RYR3: variants seen among roughly 807,000 people sequenced by gnomAD.
RYR3 encodes brain ryanodine receptor-calcium release channel.
Under a neutral mutation model 584.3 loss-of-function variants are expected in RYR3, and 207 were observed. The observed-to-expected ratio is 0.35, with a 90% CI of 0.32 to 0.40. RYR3 has a LOEUF of 0.40. Ranked by LOEUF, RYR3 falls within the 10% of genes least tolerant of loss-of-function variation. The probability of loss-of-function intolerance (pLI) is 1.00; values close to 1 mark genes in which losing one functional copy is unlikely to be tolerated. For missense variants in RYR3, 5,616 were observed against 6,089.2 expected, an observed-to-expected ratio of 0.92 and a Z score of 2.59; for synonymous variants, 2,416 against 2,248.5, an observed-to-expected ratio of 1.07 and a Z score of -2.11.
At chr15:33,799,659 C>T (rs1489397607) in intron 67 of RYR3, among the ~76,000 whole-genome samples, 1 of 152,276 alleles carries the variant, frequency 6.6e-6, no homozygotes. Context: ...GTGAGCTGCT[C>T]TAGCAAATTA....
chr15:33,736,360 T>C (rs767721632), intron 49 of RYR3, 35 bp downstream of exon 49: 2 of 1,437,064 alleles, frequency 1.4e-6, no homozygotes, highest in African/African-American at 2.8e-5. Flanking sequence ...ATACAGTCTA[T>C]TGCACAGGAA....
chr15:33,636,812 T>C (rs2061525063), intron 27 of RYR3, among the ~76,000 whole-genome samples: 2 of 152,246 alleles, frequency 1.3e-5, no homozygotes, highest in Admixed American at 1.3e-4. Flanking sequence ...CCCCTGTGTC[T>C]TGGCATTTTA....
At position 33,483,791 on chromosome 15, in the gene RYR3, T is replaced by A. The variant is rs559275269; in HGVS notation, c.171+10253T>A. Among the ~76,000 whole-genome samples, 4 of 152,300 alleles carry A rather than the reference T, an allele frequency of 2.6e-5. No individual in the cohort carries two copies. The South Asian group carries it at 8.3e-4, about 32-fold the overall frequency. On this transcript the variant is annotated intron_variant, in intron 2 of 103. Coordinates refer to ENST00000634891, the MANE Select transcript of RYR3 (RefSeq NM_001036.6). ...GATCTTGGGTTTTATTAATCTATGG[T>A]GGTTTCCTTGTTCCTAACATTTCTC...
At chr15:33,806,474 G>T (rs142097503) in intron 69 of RYR3, among the ~76,000 whole-genome samples, 3 of 150,804 alleles carry the variant, frequency 2.0e-5, no homozygotes, top group African/African-American at 7.3e-5. Flanking sequence ...GCAACATAGC[G>T]AAACCCTGTC....
Position 33,785,715 on chromosome 15 carries a change from G to A in RYR3, c.9322G>A (p.Glu3108Lys), listed in dbSNP as rs1222499046. 6.2e-7 allele frequency: 1 copy of A among 1,613,278 alleles called. No homozygotes were observed. Among genetic ancestry groups the A allele is most frequent in the Non-Finnish European group, 8.5e-7 (1 of 1,179,544 alleles). The change falls in exon 66 of 104, where the codon GAA becomes AAA. Residue 3108 changes from glutamate (E) to lysine (K), a missense_variant. Around this residue, in one of 9 missense-constraint regions of RYR3, gnomAD observed 954 missense variants for 1,132.2 expected, o/e 0.84. Coordinates refer to ENST00000634891, the MANE Select transcript of RYR3 (RefSeq NM_001036.6). ...CATGTGTCCTGACATCCCCCAGCTGGAAGGCCTGATGAAGGAAATCAACGA... is the reference window on the plus strand; with the variant it reads ...CATGTGTCCTGACATCCCCCAGCTGAAAGGCCTGATGAAGGAAATCAACGA... ...EDMCPDIPQLEGLMKEINDLA... is the reference protein window; with the variant it reads ...EDMCPDIPQLKGLMKEINDLA...
At chr15:33,419,129 C>T (rs1012104432) in intron 1 of RYR3, among the ~76,000 whole-genome samples, 2 of 152,014 alleles carry the variant, frequency 1.3e-5, no homozygotes, top group African/African-American at 4.8e-5. Context: ...GATATAAAAG[C>T]GAGGGAATAA....
chr15:33,416,024 G>T (rs2043788421), intron 1 of RYR3, among the ~76,000 whole-genome samples: 1 of 152,114 alleles, frequency 6.6e-6, no homozygotes, highest in Admixed American at 6.5e-5. Context: ...TGCTATAAAG[G>T]TCATGATTTC....
chr15:33,849,625 CAAAAG>C (rs1023082607), intron 94 of RYR3: 7 of 152,006 alleles, frequency 4.6e-5, no homozygotes, highest in Admixed American at 3.3e-4. Flanking sequence ...ATTAATGTGG[CAAAAG>C]AAAAGAAATA....
At chr15:33,759,545 C>T (rs934098232) in intron 60 of RYR3, among the ~76,000 whole-genome samples, 7 of 152,032 alleles carry the variant, frequency 4.6e-5, no homozygotes, top group Admixed American at 3.3e-4. Flanking sequence ...GAAAGGAAAT[C>T]AGAGATTGAA....
At position 33,755,046 on chromosome 15, in the gene RYR3, CTG is replaced by C. The variant is rs776879309; in HGVS notation, c.8400-17_8400-16del. On this transcript the variant is annotated splice_polypyrimidine_tract_variant and intron_variant, in intron 57 of 103. Transcript: ENST00000634891. The stretch of plus-strand genomic sequence containing the variant: ...GGTTGTCTCTGTTACTTCCTGGGGT[CTG>C]TCCATGTCCAACGTAGGGGTATGAA... 1 of 1,411,720 alleles carries C rather than the reference CTG, an allele frequency of 7.1e-7. No homozygotes were observed. The highest frequency in any genetic ancestry group is 2.3e-5 in the East Asian group (1 of 43,782). The allele number at this position is 1,411,720 out of a possible 1,614,324, so 87.4% of individuals were successfully genotyped here. A position where few individuals can be genotyped will look rare whatever the true frequency, so the allele number is the denominator to read the frequency against.
At chr15:33,755,266 C>A in intron 58 of RYR3, 86 bp downstream of exon 58, 1 of 817,788 alleles carries the variant, frequency 1.2e-6, no homozygotes, top group South Asian at 1.6e-5. Flanking sequence ...TTTTATGATT[C>A]ATTTAGGTGC....
chr15:33,778,370 C>G (rs1198157732), intron 64 of RYR3, among the ~76,000 whole-genome samples: 1 of 152,066 alleles, frequency 6.6e-6, no homozygotes, highest in Non-Finnish European at 1.5e-5. Flanking sequence ...CCTCATTGGC[C>G]ACTGTGGTAA....
intron 69 of RYR3, chr15:33,802,224 C>T (rs1192001183): frequency 3.6e-6 from 2 of 553,096 alleles, no homozygotes; most frequent in Non-Finnish European, 6.8e-6. Context: ...TTTGAGAGGT[C>T]TCCAAAACAA....
chr15:33,478,292 C>A (rs918451948), intron 2 of RYR3, among the ~76,000 whole-genome samples: 3 of 152,092 alleles, frequency 2.0e-5, no homozygotes, highest in African/African-American at 7.2e-5. Context: ...ATTTCCAATC[C>A]CCAGATGACA....
chr15:33,859,564 T>G lies in RYR3; in HGVS notation c.14143-11T>G, dbSNP rs1353578362. On this transcript the variant is annotated splice_polypyrimidine_tract_variant and intron_variant, in intron 99 of 103. Transcript: ENST00000634891. Reference sequence around the variant, plus strand: ...ACTTTTGCCTAAATCCCCCTTATTTTTCTTCTCTAGTGTTACCTTTTCCAC... The same window carrying G: ...ACTTTTGCCTAAATCCCCCTTATTTGTCTTCTCTAGTGTTACCTTTTCCAC... The G allele has an allele frequency of 1.9e-6, 3 of 1,613,496 alleles. No homozygotes were observed. The highest frequency in any genetic ancestry group is 2.2e-5 in the East Asian group (1 of 44,876).
intron 77 of RYR3, among the ~76,000 whole-genome samples, chr15:33,820,254 A>C (rs956394871): frequency 1.3e-5 from 2 of 152,208 alleles, no homozygotes; most frequent in African/African-American, 4.8e-5. Context: ...TGAGCAAATA[A>C]GGGAAACTTT....
At chr15:33,325,842 C>T (rs1969630113) in intron 1 of RYR3, among the ~76,000 whole-genome samples, 1 of 151,498 alleles carries the variant, frequency 6.6e-6, no homozygotes, top group East Asian at 2.0e-4. Context: ...CACTCTGTTA[C>T]CCAGGCTGGA....
intron 43 of RYR3, among the ~76,000 whole-genome samples, chr15:33,715,268 G>T (rs914509017): frequency 6.6e-6 from 1 of 152,154 alleles, no homozygotes. Context: ...CCATTCTTCA[G>T]TGTGATTGGT....
At chr15:33,835,682 C>A (rs564355163) in intron 87 of RYR3, among the ~76,000 whole-genome samples, 2 of 152,218 alleles carry the variant, frequency 1.3e-5, no homozygotes, top group Admixed American at 1.3e-4. Context: ...TAACTTAAAT[C>A]ATGTGTATCT....
Sources: allele counts gnomAD v4.1 joint callset (sites outside exome capture counted in the v4.1 genomes callset), GRCh38; gene constraint gnomAD v4.1.1; regional missense constraint gnomAD v4.1.1; transcripts MANE v1.5; gene names NCBI Gene and HGNC (gene_info 2026-07-23, HGNC 2026-07-21).